The following PPFIA2 variants were observed in gnomAD, a reference collection of about 807,000 sequenced individuals.
The protein encoded by PPFIA2 is PPFI scaffold protein A2.
In PPFIA2, 46 loss-of-function variants were observed where a neutral mutation model predicts 175.5. That is an observed-to-expected ratio of 0.26 (90% CI 0.21 to 0.34). The LOEUF is 0.34. Among genes scored for constraint, PPFIA2 ranks in the 10% least tolerant of loss-of-function variants. The probability of loss-of-function intolerance (pLI) is 1.00; values close to 1 mark genes in which losing one functional copy is unlikely to be tolerated. For synonymous variants in PPFIA2, 568 were observed against 511.4 expected (o/e 1.11, Z -1.49); for missense variants, 1,179 against 1,506.1 (o/e 0.78, Z 3.60).
intron 18 of PPFIA2, 24 bp from the exon 19 acceptor site, chr12:81,344,717 A>T: frequency 6.6e-7 from 1 of 1,516,642 alleles, no homozygotes; most frequent in Non-Finnish European, 9.0e-7. Context: ...TAATAAAAAC[A>T]TAAAACACAA....
intron 19 of PPFIA2, among the ~76,000 whole-genome samples, chr12:81,343,951 A>G (rs1409922775): frequency 1.4e-4 from 22 of 152,090 alleles, no homozygotes; most frequent in Admixed American, 1.2e-3. Flanking sequence ...CTCACAGCCC[A>G]TACTCTAAAT....
At chr12:81,645,638 A>G (rs573601495) in intron 4 of PPFIA2, among the ~76,000 whole-genome samples, 12 of 152,360 alleles carry the variant, frequency 7.9e-5, no homozygotes, top group Admixed American at 1.3e-4. Flanking sequence ...AGATGAACAA[A>G]ATTCCAAAGG....
chr12:81,743,611 A>C (rs2082650277), intron 3 of PPFIA2, among the ~76,000 whole-genome samples: 1 of 151,920 alleles, frequency 6.6e-6, no homozygotes, highest in South Asian at 2.1e-4. Flanking sequence ...AGGAAAAATA[A>C]TGCAAACGTT....
intron 4 of PPFIA2, among the ~76,000 whole-genome samples, chr12:81,533,588 G>A (rs1433081526): frequency 6.6e-6 from 1 of 151,326 alleles, no homozygotes; most frequent in African/African-American, 2.4e-5. Context: ...AAATTGCTCT[G>A]AATAAGAAAT....
chr12:81,503,627 A>G (rs2060829497), intron 4 of PPFIA2, among the ~76,000 whole-genome samples: 2 of 151,784 alleles, frequency 1.3e-5, no homozygotes, highest in East Asian at 3.9e-4. Flanking sequence ...GTAAATTTTT[A>G]TAAACTTATA....
At chr12:81,634,750 A>C (rs529745967) in intron 4 of PPFIA2, among the ~76,000 whole-genome samples, 1 of 152,044 alleles carries the variant, frequency 6.6e-6, no homozygotes, top group African/African-American at 2.4e-5. Context: ...AATTCTGAAA[A>C]TTCCAGAGGT....
At chr12:81,518,173 G>T (rs1805575310) in intron 4 of PPFIA2, among the ~76,000 whole-genome samples, 1 of 152,088 alleles carries the variant, frequency 6.6e-6, no homozygotes, top group South Asian at 2.1e-4. Flanking sequence ...CTGGATCATG[G>T]CCAATTTCAC....
At chr12:81,501,808 G>A (rs766280010) in intron 4 of PPFIA2, among the ~76,000 whole-genome samples, 47 of 152,108 alleles carry the variant, frequency 3.1e-4, no homozygotes, top group Non-Finnish European at 5.9e-4. Context: ...CAAGGTGAAA[G>A]TTGGCTCTTA....
At chr12:81,704,797 T>C (rs2076910397) in intron 3 of PPFIA2, among the ~76,000 whole-genome samples, 1 of 151,788 alleles carries the variant, frequency 6.6e-6, no homozygotes, top group Admixed American at 6.6e-5. Flanking sequence ...AGAACCTATC[T>C]TGTGGGCTGG....
intron 4 of PPFIA2, among the ~76,000 whole-genome samples, chr12:81,619,383 G>C (rs1030466786): frequency 6.6e-6 from 1 of 152,164 alleles, no homozygotes; most frequent in African/African-American, 2.4e-5. Context: ...GCCATAAGAT[G>C]TAAGTATCGT....
chr12:81,623,949 C>T (rs1483169145), intron 4 of PPFIA2, among the ~76,000 whole-genome samples: 2 of 151,688 alleles, frequency 1.3e-5, no homozygotes, highest in African/African-American at 4.8e-5. Context: ...AAAATTATGC[C>T]AACAATCCTT....
chr12:81,575,692 C>G (rs888474511), intron 4 of PPFIA2, among the ~76,000 whole-genome samples: 1 of 151,530 alleles, frequency 6.6e-6, no homozygotes, highest in African/African-American at 2.4e-5. Context: ...ACCTATAAAA[C>G]AGAGGAACAT....
intron 4 of PPFIA2, among the ~76,000 whole-genome samples, chr12:81,495,633 C>T (rs979973297): frequency 1.3e-5 from 2 of 151,814 alleles, no homozygotes; most frequent in Non-Finnish European, 2.9e-5. Flanking sequence ...AGTGAAACCC[C>T]ATCTCTACAC....
chr12:81,371,388 A>G (rs2141560735), intron 11 of PPFIA2, among the ~76,000 whole-genome samples: 1 of 151,924 alleles, frequency 6.6e-6, no homozygotes, highest in East Asian at 1.9e-4. Flanking sequence ...GTGATCCTTC[A>G]AAATTACATT....
At chr12:81,330,679 A>G (rs1274835427) in intron 21 of PPFIA2, among the ~76,000 whole-genome samples, 1 of 152,216 alleles carries the variant, frequency 6.6e-6, no homozygotes, top group African/African-American at 2.4e-5. Context: ...TTTGTCCAGC[A>G]GAGGTCTCTG....
intron 4 of PPFIA2, among the ~76,000 whole-genome samples, chr12:81,577,973 A>G (rs1478886685): frequency 6.6e-6 from 1 of 151,756 alleles, no homozygotes; most frequent in Non-Finnish European, 1.5e-5. Flanking sequence ...GGTCAGCTTG[A>G]GAAGTGTCAT....
At chr12:81,373,965 C>A (rs1464063638) in intron 11 of PPFIA2, among the ~76,000 whole-genome samples, 1 of 151,952 alleles carries the variant, frequency 6.6e-6, no homozygotes, top group Admixed American at 6.6e-5. Flanking sequence ...TATACATACA[C>A]TTTGAAATGA....
At chr12:81,631,359 C>A (rs919905155) in intron 4 of PPFIA2, among the ~76,000 whole-genome samples, 2 of 152,204 alleles carry the variant, frequency 1.3e-5, no homozygotes, top group Middle Eastern at 3.4e-3. Context: ...AAAAATACTG[C>A]TCAAGAGTCA....
At chr12:81,349,096 C>T (rs2059579001) in intron 17 of PPFIA2, among the ~76,000 whole-genome samples, 1 of 152,132 alleles carries the variant, frequency 6.6e-6, no homozygotes, top group African/African-American at 2.4e-5. Flanking sequence ...GGAAGTTGAG[C>T]TACATTTACT....
Sources: allele counts gnomAD v4.1 joint callset (sites outside exome capture counted in the v4.1 genomes callset), GRCh38; gene constraint gnomAD v4.1.1; transcripts MANE v1.5; gene names NCBI Gene and HGNC (gene_info 2026-07-23, HGNC 2026-07-21).